Variants in HHIPL1 observed in about 807,000 individuals in gnomAD.
HHIPL1 encodes HHIP like 1.
Under a neutral mutation model 61.8 loss-of-function variants are expected in HHIPL1, and 43 were observed. The observed-to-expected ratio is 0.70, with a 90% CI of 0.55 to 0.90. HHIPL1 has a LOEUF of 0.90. Ranked by LOEUF, HHIPL1 falls within the 40% of genes least tolerant of loss-of-function variation. The probability of loss-of-function intolerance (pLI) is 0.00; values close to 1 mark genes in which losing one functional copy is unlikely to be tolerated. For missense variants in HHIPL1, 1,056 were observed against 1,157.7 expected, an observed-to-expected ratio of 0.91 and a Z score of 1.28; for synonymous variants, 482 against 515.8, an observed-to-expected ratio of 0.93 and a Z score of 0.89.
chr14:99,620,642 G>A, the HHIPL1 span, among the ~76,000 whole-genome samples: 2 of 152,238 alleles, frequency 1.3e-5, no homozygotes, highest in African/African-American at 2.4e-5. Flanking sequence ...AAGGGGGACA[G>A]GGGCCACTGT....
chr14:99,652,896 T>C, intron 2 of HHIPL1, 26 bp downstream of exon 2: 1 of 1,602,214 alleles, frequency 6.2e-7, no homozygotes, highest in Non-Finnish European at 8.5e-7. Flanking sequence ...AACCCGGGCC[T>C]GGGTGGGGGC....
At chr14:99,624,757 C>A in the HHIPL1 span, 1 of 152,322 alleles carries the variant, frequency 6.6e-6, no homozygotes, top group African/African-American at 2.4e-5. Context: ...CTCTCTTTTC[C>A]CCAGGAACCT....
chr14:99,610,264 T>G, the HHIPL1 span, among the ~76,000 whole-genome samples: 2 of 152,310 alleles, frequency 1.3e-5, no homozygotes, highest in African/African-American at 4.8e-5. Flanking sequence ...TATGGTGAAC[T>G]GGTTCATATT....
chr14:99,636,892 C>T, the HHIPL1 span, among the ~76,000 whole-genome samples: 12 of 149,092 alleles, frequency 8.0e-5, no homozygotes, highest in African/African-American at 3.0e-4. Flanking sequence ...GAGGCTGAGG[C>T]AGGATTGCTT....
At chr14:99,633,702 G>A in the HHIPL1 span, among the ~76,000 whole-genome samples, 3 of 152,194 alleles carry the variant, frequency 2.0e-5, no homozygotes, top group South Asian at 2.1e-4. Context: ...TCAGGACCCC[G>A]CCCTCCCTTA....
chr14:99,625,013 C>G, the HHIPL1 span: 1 of 152,252 alleles, frequency 6.6e-6, no homozygotes, highest in Admixed American at 6.5e-5. Flanking sequence ...TGGCCCAACG[C>G]TGTCATTACA....
chr14:99,625,649 G>A, the HHIPL1 span: 24 of 151,890 alleles, frequency 1.6e-4, no homozygotes, highest in African/African-American at 4.9e-4. Flanking sequence ...GCTGGGTGGC[G>A]GGCAGCCTCT....
intron 1 of HHIPL1, among the ~76,000 whole-genome samples, chr14:99,651,133 C>T (rs1266359151): frequency 6.6e-6 from 1 of 152,166 alleles, no homozygotes; most frequent in Non-Finnish European, 1.5e-5. Context: ...CCTGTAGTCC[C>T]AGCTACTCAG....
chr14:99,664,641 T>C (rs1301140464), intron 6 of HHIPL1, among the ~76,000 whole-genome samples: 3 of 152,194 alleles, frequency 2.0e-5, no homozygotes, highest in Non-Finnish European at 4.4e-5. Flanking sequence ...TCTGCTTCTC[T>C]AATTGTTCCA....
chr14:99,655,475 T>C (rs1284007381), intron 2 of HHIPL1, among the ~76,000 whole-genome samples: 2 of 152,010 alleles, frequency 1.3e-5, no homozygotes, highest in Non-Finnish European at 2.9e-5. Context: ...AATTAAAAAA[T>C]TGGCCGGGCA....
the HHIPL1 span, among the ~76,000 whole-genome samples, chr14:99,622,484 C>T: frequency 2.0e-5 from 3 of 152,234 alleles, no homozygotes; most frequent in Admixed American, 6.5e-5. Context: ...CTGTGTGACA[C>T]GGTGCTCTCT....
chr14:99,668,763 C>T lies in HHIPL1; in HGVS notation c.1730+460C>T. On this transcript the variant is annotated intron_variant, in intron 7 of 8. Transcript: ENST00000330710. The surrounding 1 kb of genome is among the most constrained non-coding windows in gnomAD (Gnocchi z 4.7). ...CCGTGCCTGCCCTTCCTCCTGTGGT[C>T]CATCTTCCACTGGGGAAAACACATT... 2.6e-6 allele frequency: 4 copies of T among 1,517,064 alleles called. No homozygotes were observed. The highest frequency in any genetic ancestry group is 1.8e-4 in the Middle Eastern group (1 of 5,688). The allele number at this position is 1,517,064 out of a possible 1,614,324, so 94.0% of individuals were successfully genotyped here. A position where few individuals can be genotyped will look rare whatever the true frequency, so the allele number is the denominator to read the frequency against.
At chr14:99,662,835 G>A (rs2056173370) in intron 5 of HHIPL1, 41 bp from the exon 6 acceptor site, 3 of 1,533,328 alleles carry the variant, frequency 2.0e-6, no homozygotes, top group Non-Finnish European at 2.6e-6. Flanking sequence ...TCCCCTGGGT[G>A]CCATGCCAGG....
At chr14:99,634,368 G>A in the HHIPL1 span, among the ~76,000 whole-genome samples, 2 of 152,306 alleles carry the variant, frequency 1.3e-5, no homozygotes, top group South Asian at 4.1e-4. Flanking sequence ...CTCTCATTTA[G>A]TTGTAGAGCT....
chr14:99,626,255 T>C, the HHIPL1 span, among the ~76,000 whole-genome samples: 2 of 151,436 alleles, frequency 1.3e-5, no homozygotes, highest in Admixed American at 1.3e-4. Flanking sequence ...CAGGTGTGTG[T>C]GGGTGTAGCG....
chr14:99,637,177 A>AAAGAATGG, the HHIPL1 span, among the ~76,000 whole-genome samples: 1 of 143,454 alleles, frequency 7.0e-6, no homozygotes, highest in African/African-American at 2.6e-5. Flanking sequence ...AAAAAGAAAG[A>AAAGAATGG]AAGAAAGAAT....
chr14:99,670,055 A>G (rs1323809589), intron 7 of HHIPL1, among the ~76,000 whole-genome samples: 1 of 151,986 alleles, frequency 6.6e-6, no homozygotes, highest in Non-Finnish European at 1.5e-5. Flanking sequence ...ACATGTCAAA[A>G]TTAGTCAACT....
chr14:99,613,347 A>C, the HHIPL1 span, among the ~76,000 whole-genome samples: 39 of 151,110 alleles, frequency 2.6e-4, no homozygotes, highest in African/African-American at 9.3e-4. Context: ...TTTTTTTTAG[A>C]CAGAGTCTCA....
At position 99,675,603 on chromosome 14, in the gene HHIPL1, A is replaced by G. The variant is rs2056382541; in HGVS notation, c.2326A>G (p.Ser776Gly). The G allele has an allele frequency of 3.3e-6, 5 of 1,527,720 alleles. No homozygotes were observed. Among genetic ancestry groups the G allele is most frequent in the Non-Finnish European group, 4.4e-6 (5 of 1,140,576 alleles). The allele number at this position is 1,527,720 out of a possible 1,614,324, so 94.6% of individuals were successfully genotyped here. Residue 776 changes from serine (S) to glycine (G), a missense_variant, in exon 9 of 9, where the codon AGC (serine) becomes GGC (glycine). By Grantham distance (56) the Ser-to-Gly change is moderately conservative. Transcript: ENST00000330710. The surrounding 1 kb of genome is among the most constrained non-coding windows in gnomAD (Gnocchi z 5.4). Reference protein sequence around the residue: ...EHDEDAGVVCSHQNPDL With the variant: ...EHDEDAGVVCGHQNPDL Reference sequence around the variant, plus strand: ...CGACGAGGATGCGGGCGTCGTGTGCAGCCACCAGAACCCCGACCTGTAGGC... The same window carrying G: ...CGACGAGGATGCGGGCGTCGTGTGCGGCCACCAGAACCCCGACCTGTAGGC...
Sources: gnomAD v4.1 joint callset for allele counts (sites outside exome capture counted in the v4.1 genomes callset) on GRCh38, gnomAD v4.1.1 for gene constraint, Gnocchi (gnomAD v3.1) non-coding constraint, MANE v1.5 for transcripts, NCBI Gene and HGNC (gene_info 2026-07-23, HGNC 2026-07-21) for gene names.